The following SELENOS variants were observed in gnomAD, a reference collection of about 807,000 sequenced individuals.
SELENOS encodes VCP interacting membrane selenoprotein.
Under a neutral mutation model 30.2 loss-of-function variants are expected in SELENOS, and 37 were observed. The observed-to-expected ratio is 1.23, with a 90% CI of 0.94 to 1.61. The LOEUF (loss-of-function observed/expected upper bound fraction) is 1.61, where lower values mean the gene tolerates loss of function less well. SELENOS is among the 40% of genes most tolerant of loss of function. SELENOS has a pLI of 0.00. For synonymous variants in SELENOS, 119 were observed against 91.6 expected, an observed-to-expected ratio of 1.30 and a Z score of -1.71; for missense variants, 289 against 231.8, an observed-to-expected ratio of 1.25 and a Z score of -1.60.
chr15:101,272,837 A>G lies in SELENOS; in HGVS notation c.504T>C (p.Gly168=), dbSNP rs2039284142. The G allele has an allele frequency of 6.2e-7, 1 of 1,608,880 alleles. No homozygotes were observed. Among genetic ancestry groups the G allele is most frequent in the African/African-American group, 1.3e-5 (1 of 74,848 alleles). ...LRGGGYNPLS[G]EGGGACSWRP... is the part of the protein sequence containing the mutation. Reference sequence around the variant, plus strand: ...TCCAGGAGCAAGCTCCGCCTCCTTCACCAGACAACGGGTTATAACCTGGGA... The same window carrying G: ...TCCAGGAGCAAGCTCCGCCTCCTTCGCCAGACAACGGGTTATAACCTGGGA... The change falls in exon 6 of 6, where the codon GGT becomes GGC. Residue 168 remains glycine, a synonymous_variant. Coordinates refer to ENST00000526049, the MANE Select transcript of SELENOS (RefSeq NM_018445.6).
Position 101,274,836 on chromosome 15 carries a change from G to C in SELENOS, c.319-155C>G, listed in dbSNP as rs74041954. The C allele has an allele frequency of 2.6e-3, 2,112 of 809,044 alleles. 30 individuals are homozygous for C. In the African/African-American group the frequency reaches 0.031, roughly 12 times the overall value. 50.1% of individuals were successfully genotyped at this position (809,044 alleles called of 1,614,324 possible). On this transcript the variant is annotated intron_variant, in intron 3 of 5. Coordinates refer to ENST00000526049, the MANE Select transcript of SELENOS (RefSeq NM_018445.6). ...TAAAACTGTTGTGATCTGGTAGTGT[G>C]AGTTTAACTCACATAGAGCAGCTTT...
intron 5 of SELENOS, among the ~76,000 whole-genome samples, chr15:101,273,296 C>T (rs925468857): frequency 2.6e-5 from 4 of 152,164 alleles, no homozygotes; most frequent in African/African-American, 9.7e-5. Context: ...GTATCCTTCC[C>T]TACCCCCAAC....
In SELENOS at chr15:101,276,558, C is replaced by T; in HGVS notation, c.194G>A (p.Arg65Gln). ...LRALRQRQLD[R>Q]AAAAVEPDVV... ...GCACTAACCCACAGCAGCCGCAGCT[C>T]GGTCCAGCTGCCTCTGCCTCAAGGC... Residue 65 changes from arginine to glutamine, a missense_variant, in exon 2 of 6, where the codon CGA becomes CAA. By Grantham distance (43) the Arg-to-Gln change is conservative (BLOSUM62 1). Transcript: ENST00000526049. 1 of 1,608,360 alleles carries T rather than the reference C, an allele frequency of 6.2e-7. No individual in the cohort carries two copies. Among genetic ancestry groups the T allele is most frequent in the Non-Finnish European group, 8.5e-7 (1 of 1,178,304 alleles).
intron 2 of SELENOS, 86 bp from the exon 3 acceptor site, chr15:101,275,447 A>C: frequency 9.0e-7 from 1 of 1,114,926 alleles, no homozygotes; most frequent in Non-Finnish European, 1.2e-6. Flanking sequence ...TAAAAGTATA[A>C]AGAGGTATGG....
Position 101,277,483 on chromosome 15 carries a change from C to A in SELENOS, c.-66G>T. 4 of 1,359,484 alleles carry A rather than the reference C, an allele frequency of 2.9e-6. No individual in the cohort carries two copies. In the East Asian group the frequency reaches 1.2e-4, roughly 42 times the overall value. 84.2% of individuals were successfully genotyped at this position (1,359,484 alleles called of 1,614,324 possible). On this transcript the variant is annotated 5_prime_UTR_variant, in exon 1 of 6. Transcript: ENST00000526049. Reference sequence around the variant, plus strand: ...TCCAGCCGGGCGCTTCCGGTGCGCTCCTACGCACACGTGGCGCGCCCGGAC... The same window carrying A: ...TCCAGCCGGGCGCTTCCGGTGCGCTACTACGCACACGTGGCGCGCCCGGAC...
Position 101,277,070 on chromosome 15 carries a change from G to A in SELENOS, c.76+272C>T, listed in dbSNP as rs1416794178. ...GTCCCAGAGGCAAACGCCAACGGCCGAGTGACCCCAGTAACTACCACAGGA... is the reference window on the plus strand; with the variant it reads ...GTCCCAGAGGCAAACGCCAACGGCCAAGTGACCCCAGTAACTACCACAGGA... On this transcript the variant is annotated intron_variant, in intron 1 of 5. Coordinates refer to ENST00000526049, the MANE Select transcript of SELENOS (RefSeq NM_018445.6). 5 of 644,922 alleles carry A rather than the reference G, an allele frequency of 7.8e-6. No homozygotes were observed. The East Asian group carries it at 8.8e-5, about 11-fold the overall frequency. 39.9% of individuals were successfully genotyped at this position (644,922 alleles called of 1,614,324 possible).
rs2039344720 is a variant in SELENOS at position 101,277,430 on chromosome 15, CGCCGCCGCCCAGCCCT to C, written c.-29_-14del. The C allele has an allele frequency of 2.7e-6, 4 of 1,463,356 alleles. No homozygotes were observed. In the South Asian group the frequency reaches 4.0e-5, roughly 15 times the overall value. 90.6% of individuals were successfully genotyped at this position (1,463,356 alleles called of 1,614,324 possible). ...CTTGGCGTTCCATGACCGCCGCCGC[CGCCGCCGCCCAGCCCT>C]GCCGCCGCGCCTCCAGCCGGGCGCT... On this transcript the variant is annotated 5_prime_UTR_variant, in exon 1 of 6. Transcript: ENST00000526049.
rs1283315998 is a variant in SELENOS at position 101,272,750 on chromosome 15, A to G, written c.*21T>C. On this transcript the variant is annotated 3_prime_UTR_variant, in exon 6 of 6. Transcript: ENST00000526049. ...TTAAGGGTTCATCTTGCTAATGTCA[A>G]AAGTGACACTAACAAGATTCTTAGC... is the stretch of plus-strand genomic sequence containing the variant. 2.5e-6 allele frequency: 4 copies of G among 1,594,108 alleles called. No homozygotes were observed. Among genetic ancestry groups the G allele is most frequent in the Non-Finnish European group, 3.4e-6 (4 of 1,169,934 alleles).
At position 101,272,667 on chromosome 15, in the gene SELENOS, C is replaced by A; in HGVS notation, c.*104G>T. On this transcript the variant is annotated 3_prime_UTR_variant, in exon 6 of 6. Transcript: ENST00000526049. ...GGTGTAGTTAGGAACAGAAATCAAC[C>A]CCACCTCCCCTTGGCTAGTCACTGT... 1 of 1,224,430 alleles carries A rather than the reference C, an allele frequency of 8.2e-7. No homozygotes were observed. The highest frequency in any genetic ancestry group is 2.1e-5 in the Admixed American group (1 of 48,708). The allele number at this position is 1,224,430 out of a possible 1,614,324, so 75.8% of individuals were successfully genotyped here. A position where few individuals can be genotyped will look rare whatever the true frequency, so the allele number is the denominator to read the frequency against.
At chr15:101,273,547 T>C (rs1190380603) in intron 5 of SELENOS, among the ~76,000 whole-genome samples, 1 of 152,238 alleles carries the variant, frequency 6.6e-6, no homozygotes, top group African/African-American at 2.4e-5. Flanking sequence ...ACACCCTGCA[T>C]TCCATCTTCT....
downstream of SELENOS, among the ~76,000 whole-genome samples, chr15:101,271,881 TAA>T (rs1330678047): frequency 6.6e-6 from 1 of 152,194 alleles, no homozygotes; most frequent in African/African-American, 2.4e-5. Flanking sequence ...ATGTGGCCTG[TAA>T]AGTCTAAAAT....
At position 101,273,766 on chromosome 15, in the gene SELENOS, C is replaced by T. The variant is rs77240971; in HGVS notation, c.484+654G>A. The stretch of plus-strand genomic sequence containing the variant: ...GCTGCCTTGGAGCCCATGCCCCAGT[C>T]TTTCCTCAGTCCTCAAAGACACCAT... On this transcript the variant is annotated intron_variant, in intron 5 of 5. Coordinates refer to ENST00000526049, the MANE Select transcript of SELENOS (RefSeq NM_018445.6). 1.8e-3 allele frequency among the ~76,000 whole-genome samples: 276 copies of T among 152,344 alleles called. 3 individuals carry two copies. The highest frequency in any genetic ancestry group is 6.3e-3 in the African/African-American group (260 of 41,572).
chr15:101,271,126 G>A (rs2039263932), downstream of SELENOS: 2 of 152,138 alleles, frequency 1.3e-5, no homozygotes, highest in African/African-American at 2.4e-5. Flanking sequence ...ATGAAACCCC[G>A]ACCCAGAGCC....
At chr15:101,275,053 T>A in intron 3 of SELENOS, 1 of 577,996 alleles carries the variant, frequency 1.7e-6, no homozygotes, top group South Asian at 2.3e-5. Flanking sequence ...TGGTAATATA[T>A]TCACACATCT....
In SELENOS at chr15:101,274,931, C is replaced by T. The variant is rs1400897529; in HGVS notation, c.319-250G>A. On this transcript the variant is annotated intron_variant, in intron 3 of 5. Transcript: ENST00000526049. ...GATTACTGACTCCATTCTTCTGAAA[C>T]TCACTCCTGTCAGGACATTTTTGGT... The T allele has an allele frequency of 5.1e-6, 3 of 586,026 alleles. No homozygotes were observed. In the Admixed American group the frequency reaches 1.0e-4, roughly 20 times the overall value. 36.3% of individuals were successfully genotyped at this position (586,026 alleles called of 1,614,324 possible).
intron 1 of SELENOS, 35 bp from the exon 2 acceptor site, chr15:101,276,710 T>C: frequency 6.3e-7 from 1 of 1,593,158 alleles, no homozygotes; most frequent in East Asian, 2.2e-5. Context: ...AAACTAAAAA[T>C]GACACTACTA....
downstream of SELENOS, chr15:101,271,744 T>G (rs575107708): frequency 1.3e-5 from 2 of 152,358 alleles, no homozygotes; most frequent in South Asian, 4.1e-4. Flanking sequence ...ATGTTTTTCC[T>G]TCTGATGATC....
chr15:101,277,467 G>T lies in SELENOS; in HGVS notation c.-50C>A. 7.1e-7 allele frequency: 1 copy of T among 1,400,342 alleles called. No individual in the cohort carries two copies. Among genetic ancestry groups the T allele is most frequent in the Non-Finnish European group, 9.2e-7 (1 of 1,087,658 alleles). The allele number at this position is 1,400,342 out of a possible 1,614,324, so 86.7% of individuals were successfully genotyped here. A position where few individuals can be genotyped will look rare whatever the true frequency, so the allele number is the denominator to read the frequency against. ...GCCCTGCCGCCGCGCCTCCAGCCGG[G>T]CGCTTCCGGTGCGCTCCTACGCACA... On this transcript the variant is annotated 5_prime_UTR_variant, in exon 1 of 6. Transcript: ENST00000526049.
intron 3 of SELENOS, 60 bp downstream of exon 3, chr15:101,275,195 G>A (rs1033014569): frequency 1.1e-5 from 15 of 1,414,972 alleles, no homozygotes; most frequent in Admixed American, 2.6e-5. Context: ...CACAGGCATC[G>A]TTAGCCACTA....
Sources: allele counts gnomAD v4.1 joint callset (sites outside exome capture counted in the v4.1 genomes callset), GRCh38; gene constraint gnomAD v4.1.1; transcripts MANE v1.5; gene names NCBI Gene and HGNC (gene_info 2026-07-23, HGNC 2026-07-21).